Variants in MMD2 observed in about 807,000 individuals in gnomAD.
MMD2 encodes monocyte to macrophage differentiation factor 2.
Under a neutral mutation model 33.5 loss-of-function variants are expected in MMD2, and 30 were observed. The ratio of observed to expected loss-of-function variants is 0.90; its 90% CI spans 0.67 to 1.22. MMD2 has a LOEUF of 1.22. MMD2 is among the 50% of genes most tolerant of loss of function. The pLI is 0.00. For synonymous variants in MMD2, 129 were observed against 123.0 expected (o/e 1.05, Z -0.32); for missense variants, 364 against 325.4 (o/e 1.12, Z -0.91).
intron 4 of MMD2, among the ~76,000 whole-genome samples, chr7:4,912,080 C>G (rs1050236178): frequency 2.0e-5 from 3 of 151,534 alleles, no homozygotes; most frequent in African/African-American, 7.3e-5. Context: ...CCAGCCTGGG[C>G]AACAGAGTAA....
chr7:4,935,343 C>G (rs1785709152), intron 1 of MMD2, among the ~76,000 whole-genome samples: 1 of 151,726 alleles, frequency 6.6e-6, no homozygotes, highest in African/African-American at 2.4e-5. Flanking sequence ...CAGAGTGAGA[C>G]CCTGTCTCAA....
chr7:4,942,100 C>A (rs979871945), intron 1 of MMD2, among the ~76,000 whole-genome samples: 1 of 151,386 alleles, frequency 6.6e-6, no homozygotes, highest in Non-Finnish European at 1.5e-5. Context: ...ACTACAGGCA[C>A]GTGCCACCAT....
intron 1 of MMD2, among the ~76,000 whole-genome samples, chr7:4,939,747 T>C (rs201734935): frequency 0.095 from 14,179 of 149,666 alleles, 703 homozygotes; most frequent in East Asian, 0.2. Flanking sequence ...TCTTTCTTTT[T>C]TTTTTTTTTT....
chr7:4,933,304 G>A (rs1785643961), intron 1 of MMD2, among the ~76,000 whole-genome samples: 2 of 152,172 alleles, frequency 1.3e-5, no homozygotes, highest in South Asian at 4.1e-4. Flanking sequence ...CAAGGCTACA[G>A]TGAGCCAAGA....
intron 1 of MMD2, among the ~76,000 whole-genome samples, chr7:4,951,522 T>C (rs1429402024): frequency 6.6e-6 from 1 of 152,108 alleles, no homozygotes; most frequent in African/African-American, 2.4e-5. Flanking sequence ...ACTTACATGC[T>C]GCAACCTCCG....
At chr7:4,899,647 C>T in the MMD2 span, among the ~76,000 whole-genome samples, 1 of 152,170 alleles carries the variant, frequency 6.6e-6, no homozygotes, top group Non-Finnish European at 1.5e-5. Context: ...CCACCTACCT[C>T]TGTCTCCCAA....
chr7:4,956,009 C>T (rs550879983), intron 1 of MMD2, among the ~76,000 whole-genome samples: 5 of 152,164 alleles, frequency 3.3e-5, no homozygotes, highest in Admixed American at 6.5e-5. Flanking sequence ...GCAGAGATTG[C>T]GCCATTGCAC....
rs1292890613 is a variant in MMD2 at position 4,906,574 on chromosome 7, C to CA, written c.*821dup. 1 of 398,516 alleles carries CA rather than the reference C, an allele frequency of 2.5e-6. No individual in the cohort carries two copies. The highest frequency in any genetic ancestry group is 2.1e-5 in the African/African-American group (1 of 48,628). 24.7% of individuals were successfully genotyped at this position (398,516 alleles called of 1,614,324 possible). On this transcript the variant is annotated 3_prime_UTR_variant, in exon 7 of 7. Transcript: ENST00000401401. ...AGAAATGGCCAAGTAACAGCATCCT[C>CA]ATTCCCAACTCTACTGAGAATCAAC...
chr7:4,938,002 C>CTTTTTTTTTTTT (rs1165504272), intron 1 of MMD2, among the ~76,000 whole-genome samples: 10 of 45,644 alleles, frequency 2.2e-4, no homozygotes, highest in African/African-American at 5.1e-4. Context: ...TTCTTTCTTT[C>CTTTTTTTTTTTT]TTTTTTTTTT....
intron 5 of MMD2, 26 bp from the exon 6 acceptor site, chr7:4,909,976 C>T: frequency 2.5e-6 from 4 of 1,613,960 alleles, no homozygotes; most frequent in Non-Finnish European, 3.4e-6. Context: ...GCCGTGCCGG[C>T]CTTAGGACAT....
intron 3 of MMD2, among the ~76,000 whole-genome samples, chr7:4,919,916 A>G (rs1785231650): frequency 6.6e-6 from 1 of 152,164 alleles, no homozygotes; most frequent in Non-Finnish European, 1.5e-5. Context: ...AAAAGCAACA[A>G]CAAAAAAAGT....
chr7:4,916,136 G>A (rs1295597348), intron 3 of MMD2, 57 bp from the exon 4 acceptor site: 2 of 1,539,944 alleles, frequency 1.3e-6, no homozygotes, highest in Non-Finnish European at 1.8e-6. Context: ...AAGGGCCAGT[G>A]CCCCCAGAGC....
At chr7:4,897,679 G>C in the MMD2 span, among the ~76,000 whole-genome samples, 1 of 152,172 alleles carries the variant, frequency 6.6e-6, no homozygotes, top group African/African-American at 2.4e-5. Context: ...GATGGAGGCA[G>C]AGTAGCCCTT....
At chr7:4,922,346 G>T (rs1334671574) in intron 2 of MMD2, among the ~76,000 whole-genome samples, 2 of 152,110 alleles carry the variant, frequency 1.3e-5, no homozygotes, top group African/African-American at 4.8e-5. Flanking sequence ...GAAGCAGGTA[G>T]ATCCCTTGAG....
intron 1 of MMD2, among the ~76,000 whole-genome samples, chr7:4,931,495 C>T (rs1453353438): frequency 6.6e-6 from 1 of 151,878 alleles, no homozygotes; most frequent in East Asian, 1.9e-4. Flanking sequence ...CTCTGTCACC[C>T]AGGCTGGAGT....
intron 4 of MMD2, among the ~76,000 whole-genome samples, chr7:4,914,437 T>C (rs1785091485): frequency 6.6e-6 from 1 of 152,222 alleles, no homozygotes; most frequent in Admixed American, 6.5e-5. Flanking sequence ...CTCTGATTGC[T>C]GTAATTTAGA....
intron 1 of MMD2, among the ~76,000 whole-genome samples, chr7:4,948,018 C>T (rs542145276): frequency 3.6e-4 from 54 of 152,070 alleles, no homozygotes; most frequent in Non-Finnish European, 5.6e-4. Flanking sequence ...TTTTAACGAC[C>T]AGATCTCACA....
chr7:4,920,339 G>T lies in MMD2; in HGVS notation c.130-8C>A, dbSNP rs1484183856. On this transcript the variant is annotated splice_region_variant and splice_polypyrimidine_tract_variant and intron_variant, in intron 2 of 6. Coordinates refer to ENST00000401401, the MANE Select transcript of MMD2 (RefSeq NM_198403.4). The stretch of plus-strand genomic sequence containing the variant: ...GCTGGGGATGATCCAGAACTGGAGG[G>T]GCAGGGACGGCAGGGACAGGTGCAG... 1 of 1,602,336 alleles carries T rather than the reference G, an allele frequency of 6.2e-7. No homozygotes were observed. The highest frequency in any genetic ancestry group is 8.5e-7 in the Non-Finnish European group (1 of 1,175,074).
At chr7:4,895,303 T>C in the MMD2 span, among the ~76,000 whole-genome samples, 1 of 152,292 alleles carries the variant, frequency 6.6e-6, no homozygotes, top group Non-Finnish European at 1.5e-5. Flanking sequence ...CTCAAACTCC[T>C]GACCTCAGGT....
Sources: gnomAD v4.1 joint callset for allele counts (sites outside exome capture counted in the v4.1 genomes callset) on GRCh38, gnomAD v4.1.1 for gene constraint, MANE v1.5 for transcripts, NCBI Gene and HGNC (gene_info 2026-07-23, HGNC 2026-07-21) for gene names.